The following ADAM12 variants were observed in gnomAD, a reference collection of about 807,000 sequenced individuals.
ADAM12 encodes disintegrin and metalloproteinase domain-containing protein 12.
Under a neutral mutation model 106.4 loss-of-function variants are expected in ADAM12, and 70 were observed. That is an observed-to-expected ratio of 0.66 (90% CI 0.54 to 0.80). ADAM12 has a LOEUF of 0.80. Ranked by LOEUF, ADAM12 falls within the 30% of genes least tolerant of loss-of-function variation. The pLI is 0.00. For missense variants in ADAM12, 1,010 were observed against 1,171.9 expected, an observed-to-expected ratio of 0.86 and a Z score of 2.02; for synonymous variants, 420 against 433.5, an observed-to-expected ratio of 0.97 and a Z score of 0.39.
intron 3 of ADAM12, among the ~76,000 whole-genome samples, chr10:126,245,312 C>T (rs1187439541): frequency 6.6e-6 from 1 of 152,220 alleles, no homozygotes; most frequent in Non-Finnish European, 1.5e-5. Context: ...AGGAAGGACA[C>T]ATCCCCCAGA....
In ADAM12 at chr10:126,107,777, C is replaced by T. The variant is rs139411399; in HGVS notation, c.741+816G>A. ...GGTCTAACCTCCCCCCCGCCCTGCC[C>T]CTTGAGGGCAGCAATGCTTTCAGAA... On this transcript the variant is annotated intron_variant, in intron 8 of 22. Coordinates refer to ENST00000448723, the MANE Select transcript of ADAM12 (RefSeq NM_001288973.2). 7.9e-4 allele frequency among the ~76,000 whole-genome samples: 120 copies of T among 152,270 alleles called. 2 individuals carry two copies. In the East Asian group the frequency reaches 0.019, roughly 24 times the overall value.
chr10:126,230,228 C>T (rs1030675942), intron 3 of ADAM12, among the ~76,000 whole-genome samples: 4 of 152,114 alleles, frequency 2.6e-5, no homozygotes, highest in African/African-American at 4.8e-5. Context: ...AGGGTACACT[C>T]GTAGAGGGGT....
chr10:126,139,951 G>A (rs912899551), intron 4 of ADAM12, among the ~76,000 whole-genome samples: 4 of 152,184 alleles, frequency 2.6e-5, no homozygotes, highest in Non-Finnish European at 4.4e-5. Context: ...CTGACTATGA[G>A]GGGGTTATAT....
chr10:126,079,223 GT>G (rs56324979), intron 11 of ADAM12, among the ~76,000 whole-genome samples: 12,286 of 152,116 alleles, frequency 0.081, 559 homozygotes, highest in South Asian at 0.14. Flanking sequence ...GTAATCCAAT[GT>G]TTTTTTCCAG....
Position 126,230,825 on chromosome 10 carries a change from GA to G in ADAM12, c.260+48089del, listed in dbSNP as rs1958295422. ...TCATGTGCTCCTTGTCCTTGATTTG[GA>G]TATTTTAATAAAAACAAACATTTTT... is the stretch of plus-strand genomic sequence containing the variant. On this transcript the variant is annotated intron_variant, in intron 3 of 22. Coordinates refer to ENST00000448723, the MANE Select transcript of ADAM12 (RefSeq NM_001288973.2). 2.6e-5 allele frequency among the ~76,000 whole-genome samples: 4 copies of G among 152,220 alleles called. No homozygotes were observed. The South Asian group carries it at 8.3e-4, about 32-fold the overall frequency.
Position 126,019,821 on chromosome 10 carries a change from G to A in ADAM12, c.2534C>T (p.Thr845Ile), listed in dbSNP as rs774705109. ...AKPALRQAQG[T>I]CKPNPPQKPL... ...CTTCTGAGGGGGGTTTGGCTTACAG[G>A]TCCCCTGCAATAAACATAGGGTTAG... The change falls in exon 22 of 23, where the codon ACC (threonine) becomes ATC (isoleucine). Residue 845 changes from threonine to isoleucine, a missense_variant. By Grantham distance (89) the Thr-to-Ile change is moderately conservative. Around this residue, in one of 3 missense-constraint regions of ADAM12, gnomAD observed 615 missense variants for 708.5 expected, o/e 0.87. Transcript: ENST00000448723. 1 of 1,613,320 alleles carries A rather than the reference G, an allele frequency of 6.2e-7. No individual in the cohort carries two copies.
intron 1 of ADAM12, among the ~76,000 whole-genome samples, chr10:126,332,614 T>A (rs1290262038): frequency 2.6e-5 from 4 of 152,110 alleles, no homozygotes; most frequent in African/African-American, 9.7e-5. Flanking sequence ...CCCCCCTTTT[T>A]TGTTGGGGAT....
At chr10:126,022,207 T>C (rs1229883983) in intron 21 of ADAM12, among the ~76,000 whole-genome samples, 1 of 152,178 alleles carries the variant, frequency 6.6e-6, no homozygotes, top group Non-Finnish European at 1.5e-5. Flanking sequence ...ATGTTTATCG[T>C]CCTGTTTAAT....
At chr10:126,040,812 T>G (rs1182784674) in intron 18 of ADAM12, among the ~76,000 whole-genome samples, 1 of 152,076 alleles carries the variant, frequency 6.6e-6, no homozygotes, top group East Asian at 1.9e-4. Context: ...AACTGAACAT[T>G]TACAGGGCCC....
chr10:126,122,577 A>G (rs887301896), intron 5 of ADAM12, among the ~76,000 whole-genome samples: 4 of 152,198 alleles, frequency 2.6e-5, no homozygotes, highest in African/African-American at 9.6e-5. Context: ...GCCGGACAAC[A>G]TGGCGAAACT....
chr10:126,036,151 C>G lies in ADAM12; in HGVS notation c.2524G>C (p.Ala842Pro). 6.8e-7 allele frequency: 1 copy of G among 1,462,522 alleles called. No individual in the cohort carries two copies. Among genetic ancestry groups the G allele is most frequent in the Non-Finnish European group, 9.0e-7 (1 of 1,109,746 alleles). 90.6% of individuals were successfully genotyped at this position (1,462,522 alleles called of 1,614,324 possible). The change falls in exon 21 of 23, where the codon GCC (alanine) becomes CCC (proline). Residue 842 changes from alanine (A) to proline (P), a missense_variant. Around this residue, in one of 3 missense-constraint regions of ADAM12, gnomAD observed 615 missense variants for 708.5 expected, o/e 0.87. Transcript: ENST00000448723. ...TATTAGTACTGAAAGCATACCTGGG[C>G]CTGCCTAAGTGCAGGCTTGGCTGGC... ...PLPAKPALRQAQGTCKPNPPQ... is the reference protein window; with the variant it reads ...PLPAKPALRQPQGTCKPNPPQ...
At chr10:126,130,785 C>T (rs764715613) in intron 5 of ADAM12, among the ~76,000 whole-genome samples, 2 of 152,210 alleles carry the variant, frequency 1.3e-5, no homozygotes, top group African/African-American at 4.8e-5. Context: ...AAGGCCAAGC[C>T]CTATGGGAGG....
intron 14 of ADAM12, among the ~76,000 whole-genome samples, chr10:126,060,460 GC>G (rs1954729904): frequency 6.6e-6 from 1 of 152,134 alleles, no homozygotes; most frequent in South Asian, 2.1e-4. Context: ...GGCCGGTGGG[GC>G]AAGGACTCAA....
intron 3 of ADAM12, among the ~76,000 whole-genome samples, chr10:126,233,462 G>A (rs1178096692): frequency 1.3e-5 from 2 of 152,180 alleles, no homozygotes; most frequent in Non-Finnish European, 2.9e-5. Flanking sequence ...GGGACCAGGA[G>A]TGGAGAAAGA....
chr10:126,147,929 C>T (rs1388966690), intron 4 of ADAM12, among the ~76,000 whole-genome samples: 1 of 152,232 alleles, frequency 6.6e-6, no homozygotes, highest in African/African-American at 2.4e-5. Flanking sequence ...CGAATGTATT[C>T]CCTCCAAAGC....
chr10:126,135,188 C>A (rs1382842191), intron 5 of ADAM12, among the ~76,000 whole-genome samples: 1 of 152,196 alleles, frequency 6.6e-6, no homozygotes, highest in Non-Finnish European at 1.5e-5. Flanking sequence ...TGAGAGGAGG[C>A]CCTTTAAGAT....
At chr10:126,017,711 A>G (rs1953685552) in intron 22 of ADAM12, among the ~76,000 whole-genome samples, 2 of 152,368 alleles carry the variant, frequency 1.3e-5, no homozygotes, top group Non-Finnish European at 2.9e-5. Context: ...TTGACATTTT[A>G]GGGTACTAAG....
chr10:126,302,174 C>T (rs1960653764), intron 2 of ADAM12, among the ~76,000 whole-genome samples: 1 of 152,104 alleles, frequency 6.6e-6, no homozygotes, highest in Non-Finnish European at 1.5e-5. Flanking sequence ...ACCAACCCCA[C>T]CCCCAGGGTT....
chr10:126,333,811 A>G (rs1023516487), intron 1 of ADAM12, among the ~76,000 whole-genome samples: 3 of 152,192 alleles, frequency 2.0e-5, no homozygotes, highest in Admixed American at 6.5e-5. Context: ...TTTTTGGCAA[A>G]TATGTTTTCC....
Sources: gnomAD v4.1 joint callset for allele counts (sites outside exome capture counted in the v4.1 genomes callset) on GRCh38, gnomAD v4.1.1 for gene constraint, gnomAD v4.1.1 regional missense constraint, MANE v1.5 for transcripts, NCBI Gene and HGNC (gene_info 2026-07-23, HGNC 2026-07-21) for gene names.